Variants in LYPD6B observed in about 807,000 individuals in gnomAD.
The protein encoded by LYPD6B is ly6/PLAUR domain-containing protein 6B.
Under a neutral mutation model 22.8 loss-of-function variants are expected in LYPD6B, and 17 were observed. The ratio of observed to expected loss-of-function variants is 0.75; its 90% CI spans 0.51 to 1.12. The LOEUF (loss-of-function observed/expected upper bound fraction) is 1.12. Among genes scored for constraint, LYPD6B ranks in the 50% most tolerant of loss-of-function variants. The probability of loss-of-function intolerance (pLI) is 0.00; values close to 1 mark genes in which losing one functional copy is unlikely to be tolerated. For missense variants in LYPD6B, 221 were observed against 258.3 expected (o/e 0.86, Z 0.99); for synonymous variants, 106 against 91.6 (o/e 1.16, Z -0.90).
intron 3 of LYPD6B, among the ~76,000 whole-genome samples, chr2:149,202,838 A>T (rs879483483): frequency 6.6e-6 from 1 of 152,238 alleles, no homozygotes; most frequent in African/African-American, 2.4e-5. Flanking sequence ...ACTTAGTAAA[A>T]ATTAGCAAAA....
chr2:149,052,619 G>A (rs1029955916), intron 1 of LYPD6B, among the ~76,000 whole-genome samples: 1 of 152,190 alleles, frequency 6.6e-6, no homozygotes, highest in African/African-American at 2.4e-5. Flanking sequence ...ACCAACCACA[G>A]CTCGGTGGGT....
At position 149,177,952 on chromosome 2, in the gene LYPD6B, T is replaced by C. The variant is rs1042692564; in HGVS notation, c.77+17117T>C. Among the ~76,000 whole-genome samples the C allele has an allele frequency of 7.2e-5, 11 of 152,224 alleles. No individual in the cohort carries two copies. The East Asian group carries it at 2.1e-3, about 29-fold the overall frequency. ...AAACACACTTTGTACTTAATTAATG[T>C]AATTTTCACTGTATTTTTTATAATT... On this transcript the variant is annotated intron_variant, in intron 3 of 6. Transcript: ENST00000409642.
intron 1 of LYPD6B, among the ~76,000 whole-genome samples, chr2:149,106,636 C>T (rs1231259966): frequency 6.6e-6 from 1 of 152,030 alleles, no homozygotes; most frequent in Non-Finnish European, 1.5e-5. Flanking sequence ...TGTTTCCTTC[C>T]TCCTTTTTGA....
At chr2:149,089,864 T>A (rs1189971268) in intron 1 of LYPD6B, among the ~76,000 whole-genome samples, 1 of 152,208 alleles carries the variant, frequency 6.6e-6, no homozygotes, top group African/African-American at 2.4e-5. Context: ...CAAAACTGCT[T>A]AATTGTGCAG....
intron 3 of LYPD6B, among the ~76,000 whole-genome samples, chr2:149,179,456 C>T (rs1431709254): frequency 6.6e-6 from 1 of 152,106 alleles, no homozygotes; most frequent in Non-Finnish European, 1.5e-5. Flanking sequence ...TTTTATATTC[C>T]TAACAGGGGT....
chr2:149,182,214 C>T (rs1023890088), intron 3 of LYPD6B, among the ~76,000 whole-genome samples: 3 of 152,050 alleles, frequency 2.0e-5, no homozygotes, highest in Admixed American at 6.5e-5. Context: ...ATTTTCTGTA[C>T]CCTATAGCAC....
chr2:149,097,867 T>C (rs2105470103), intron 1 of LYPD6B, among the ~76,000 whole-genome samples: 1 of 152,268 alleles, frequency 6.6e-6, no homozygotes, highest in Non-Finnish European at 1.5e-5. Context: ...CATCAACAGA[T>C]TTTTTTGGGG....
At chr2:149,063,288 G>A (rs184962953) in intron 1 of LYPD6B, among the ~76,000 whole-genome samples, 1 of 151,870 alleles carries the variant, frequency 6.6e-6, no homozygotes, top group East Asian at 1.9e-4. Flanking sequence ...GTTGTTTCAG[G>A]GACAGAATAA....
At chr2:149,117,271 CT>C (rs113049914) in intron 1 of LYPD6B, among the ~76,000 whole-genome samples, 3,368 of 143,690 alleles carry the variant, frequency 0.023, 66 homozygotes, top group African/African-American at 0.055. Flanking sequence ...TGTCATTCAT[CT>C]TTTTTTTTTT....
At chr2:149,070,237 A>C (rs58981223) in intron 1 of LYPD6B, among the ~76,000 whole-genome samples, 1 of 151,644 alleles carries the variant, frequency 6.6e-6, no homozygotes, top group South Asian at 2.1e-4. Flanking sequence ...TGGCATTTCA[A>C]TTTTCTCCCC....
At chr2:149,093,683 A>G (rs373203434) in intron 1 of LYPD6B, among the ~76,000 whole-genome samples, 1 of 152,194 alleles carries the variant, frequency 6.6e-6, no homozygotes, top group East Asian at 1.9e-4. Flanking sequence ...ATTACCTGTG[A>G]TCGTTAGAAA....
intron 2 of LYPD6B, among the ~76,000 whole-genome samples, chr2:149,141,572 A>G (rs1688695482): frequency 6.6e-6 from 1 of 152,022 alleles, no homozygotes; most frequent in Admixed American, 6.6e-5. Flanking sequence ...GTTATTTTGT[A>G]TTTGTTATAT....
At chr2:149,116,196 C>G (rs532910192) in intron 1 of LYPD6B, among the ~76,000 whole-genome samples, 1 of 152,258 alleles carries the variant, frequency 6.6e-6, no homozygotes, top group African/African-American at 2.4e-5. Context: ...TATACTTGTT[C>G]TATTTAATTA....
chr2:149,067,190 A>G (rs1684375570), intron 1 of LYPD6B, among the ~76,000 whole-genome samples: 1 of 151,816 alleles, frequency 6.6e-6, no homozygotes, highest in African/African-American at 2.4e-5. Context: ...ATTTCAACAC[A>G]CTCTGCAGGT....
intron 1 of LYPD6B, among the ~76,000 whole-genome samples, chr2:149,043,696 A>C (rs1480881686): frequency 6.6e-6 from 1 of 152,138 alleles, no homozygotes; most frequent in Non-Finnish European, 1.5e-5. Context: ...TGTATTGAGG[A>C]ATTCTCTAAC....
At chr2:149,179,514 A>G (rs142085359) in intron 3 of LYPD6B, among the ~76,000 whole-genome samples, 8 of 152,372 alleles carry the variant, frequency 5.3e-5, no homozygotes, top group Non-Finnish European at 1.2e-4. Flanking sequence ...TGTGCCACAA[A>G]CGTGTTTTTC....
At chr2:149,205,551 T>C (rs768027928) in intron 4 of LYPD6B, 147 bp downstream of exon 4, 5 of 887,080 alleles carry the variant, frequency 5.6e-6, no homozygotes, top group Non-Finnish European at 8.6e-6. Flanking sequence ...ATTACTTCTA[T>C]GGGTAAGCAT....
chr2:149,146,030 A>T (rs1280579319), intron 2 of LYPD6B, among the ~76,000 whole-genome samples: 1 of 152,188 alleles, frequency 6.6e-6, no homozygotes, highest in Non-Finnish European at 1.5e-5. Context: ...CTGCTGAGAT[A>T]GTGTGTTCAT....
intron 2 of LYPD6B, among the ~76,000 whole-genome samples, chr2:149,157,271 AC>A (rs527436030): frequency 1.3e-3 from 205 of 152,212 alleles, no homozygotes; most frequent in African/African-American, 4.7e-3. Flanking sequence ...AACAATCTTA[AC>A]AGTATTCATT....
Sources: gnomAD v4.1 joint callset for allele counts (sites outside exome capture counted in the v4.1 genomes callset) on GRCh38, gnomAD v4.1.1 for gene constraint, MANE v1.5 for transcripts, NCBI Gene and HGNC (gene_info 2026-07-23, HGNC 2026-07-21) for gene names.